Variants in TNNI3K observed in about 807,000 individuals in gnomAD.
The protein encoded by TNNI3K is serine/threonine-protein kinase TNNI3K.
A neutral mutation model predicts 114.5 loss-of-function variants in TNNI3K; 140 were observed. The ratio of observed to expected loss-of-function variants is 1.22; its 90% CI spans 1.07 to 1.41. TNNI3K has a LOEUF of 1.41. Ranked by LOEUF, TNNI3K falls within the 40% of genes most tolerant of loss-of-function variation. TNNI3K has a pLI of 0.00. For synonymous variants in TNNI3K, 347 were observed against 347.5 expected (o/e 1.00, Z 0.02); for missense variants, 1,125 against 1,007.6 (o/e 1.12, Z -1.58).
At position 74,544,297 on chromosome 1, in the gene TNNI3K, T is replaced by C. The variant is rs201902435; in HGVS notation, c.*315T>C. 5 of 249,406 alleles carry C rather than the reference T, an allele frequency of 2.0e-5. No individual in the cohort carries two copies. The highest frequency in any genetic ancestry group is 3.8e-5 in the Non-Finnish European group (5 of 133,070). The allele number at this position is 249,406 out of a possible 1,614,324, so 15.4% of individuals were successfully genotyped here. A position where few individuals can be genotyped will look rare whatever the true frequency, so the allele number is the denominator to read the frequency against. On this transcript the variant is annotated 3_prime_UTR_variant, in exon 25 of 25. Coordinates refer to ENST00000326637, the MANE Select transcript of TNNI3K (RefSeq NM_015978.3). ...TGGACAGATAATAATTATGTTTTCC[T>C]GGGCTGAATTATGTAGACTTGTGTT...
At chr1:74,411,558 G>C (rs1329607043) in intron 17 of TNNI3K, among the ~76,000 whole-genome samples, 1 of 150,288 alleles carries the variant, frequency 6.7e-6, no homozygotes, top group Non-Finnish European at 1.5e-5. Flanking sequence ...TGGCCTTAAA[G>C]ACCCCTGACT....
rs79314168 is a variant in TNNI3K at position 74,280,120 on chromosome 1, C to T, written c.444+8412C>T. On this transcript the variant is annotated intron_variant, in intron 5 of 24. Transcript: ENST00000326637. ...ACTGAAGGCTGGGTGCGGTGGCTCA[C>T]GCCTGTAATCCCACCACTTTGGGAG... 1.1e-3 allele frequency among the ~76,000 whole-genome samples: 174 copies of T among 152,260 alleles called. 1 individual carries two copies. In the East Asian group the frequency reaches 0.03, roughly 26 times the overall value.
chr1:74,477,678 C>G (rs1469496170), intron 21 of TNNI3K, among the ~76,000 whole-genome samples: 1 of 152,194 alleles, frequency 6.6e-6, no homozygotes, highest in Non-Finnish European at 1.5e-5. Context: ...CTCCCCTGCT[C>G]TTGATACTAG....
chr1:74,498,054 G>T (rs1324962430), intron 23 of TNNI3K, among the ~76,000 whole-genome samples: 1 of 152,086 alleles, frequency 6.6e-6, no homozygotes, highest in East Asian at 1.9e-4. Context: ...TTAGTGAGCT[G>T]GGACCAGAAT....
At chr1:74,322,010 A>T (rs969496436) in intron 5 of TNNI3K, among the ~76,000 whole-genome samples, 9 of 152,176 alleles carry the variant, frequency 5.9e-5, no homozygotes, top group African/African-American at 1.9e-4. Context: ...AGCCTATAGA[A>T]ATTAGAGCAT....
chr1:74,273,996 G>A (rs957200785), intron 5 of TNNI3K, among the ~76,000 whole-genome samples: 1 of 151,832 alleles, frequency 6.6e-6, no homozygotes, highest in African/African-American at 2.4e-5. Context: ...GTGGGAGTTA[G>A]GAGCACTGAT....
At chr1:74,359,287 C>G (rs1352069889) in intron 11 of TNNI3K, among the ~76,000 whole-genome samples, 1 of 152,044 alleles carries the variant, frequency 6.6e-6, no homozygotes, top group Non-Finnish European at 1.5e-5. Context: ...TGGCACATAA[C>G]AGAGTCTCAA....
At chr1:74,528,946 G>A (rs948884523) in intron 23 of TNNI3K, among the ~76,000 whole-genome samples, 46 of 152,170 alleles carry the variant, frequency 3.0e-4, no homozygotes, top group Non-Finnish European at 4.1e-4. Context: ...CCAGAAAGGA[G>A]AAAGATACAA....
At chr1:74,528,853 A>G (rs1263582690) in intron 23 of TNNI3K, among the ~76,000 whole-genome samples, 1 of 152,182 alleles carries the variant, frequency 6.6e-6, no homozygotes, top group Non-Finnish European at 1.5e-5. Flanking sequence ...CCAAAAGGAA[A>G]CAAGGCACTT....
chr1:74,527,974 G>A (rs1308838749), intron 23 of TNNI3K, among the ~76,000 whole-genome samples: 1 of 152,170 alleles, frequency 6.6e-6, no homozygotes, highest in East Asian at 1.9e-4. Context: ...GGTTGGGGCT[G>A]CCCGGCCAAG....
chr1:74,257,663 C>CTTTTTT (rs66853287), intron 4 of TNNI3K, among the ~76,000 whole-genome samples: 8 of 87,276 alleles, frequency 9.2e-5, no homozygotes, highest in African/African-American at 2.7e-4. Flanking sequence ...TGGCTTACCT[C>CTTTTTT]TTTTTTTTTT....
intron 9 of TNNI3K, among the ~76,000 whole-genome samples, chr1:74,349,608 T>A (rs1404764741): frequency 6.6e-6 from 1 of 152,218 alleles, no homozygotes; most frequent in African/African-American, 2.4e-5. Flanking sequence ...TCCTGGACTT[T>A]TTTTGGTTGG....
intron 21 of TNNI3K, among the ~76,000 whole-genome samples, chr1:74,465,694 T>C: frequency 6.6e-6 from 1 of 152,202 alleles, no homozygotes; most frequent in East Asian, 1.9e-4. Flanking sequence ...TGGCCAGGTA[T>C]CCACTAGGCA....
At chr1:74,275,895 T>C (rs1031656927) in intron 5 of TNNI3K, among the ~76,000 whole-genome samples, 3 of 152,086 alleles carry the variant, frequency 2.0e-5, no homozygotes, top group African/African-American at 7.2e-5. Flanking sequence ...AACACAGAAT[T>C]TCTCACTCTT....
intron 17 of TNNI3K, chr1:74,375,595 C>T (rs1332366626): frequency 2.2e-6 from 1 of 455,230 alleles, no homozygotes; most frequent in Non-Finnish European, 4.4e-6. Flanking sequence ...GCTGCTACCA[C>T]CCAGACTGAT....
At chr1:74,456,283 CATG>C (rs1216913213) in intron 20 of TNNI3K, among the ~76,000 whole-genome samples, 14 of 152,176 alleles carry the variant, frequency 9.2e-5, no homozygotes, top group South Asian at 6.2e-4. Flanking sequence ...GCTTAACCAT[CATG>C]ATAATGATGG....
At chr1:74,515,145 A>G (rs1646331171) in intron 23 of TNNI3K, among the ~76,000 whole-genome samples, 1 of 152,070 alleles carries the variant, frequency 6.6e-6, no homozygotes, top group African/African-American at 2.4e-5. Context: ...TAACCTGCAT[A>G]ACAGTGAAAG....
intron 17 of TNNI3K, among the ~76,000 whole-genome samples, chr1:74,395,522 C>T (rs1664031918): frequency 6.6e-6 from 1 of 152,156 alleles, no homozygotes. Flanking sequence ...ACTGGGCAAC[C>T]TCGTGTTTGA....
At chr1:74,434,427 G>T (rs1666031927) in intron 17 of TNNI3K, among the ~76,000 whole-genome samples, 1 of 151,824 alleles carries the variant, frequency 6.6e-6, no homozygotes, top group African/African-American at 2.4e-5. Flanking sequence ...TTCAGTCTTT[G>T]CCTGTCTTGT....
Sources: gnomAD v4.1 joint callset for allele counts (sites outside exome capture counted in the v4.1 genomes callset) on GRCh38, gnomAD v4.1.1 for gene constraint, MANE v1.5 for transcripts, NCBI Gene and HGNC (gene_info 2026-07-23, HGNC 2026-07-21) for gene names.